Variants in PKNOX2 observed in about 807,000 individuals in gnomAD.
The protein encoded by PKNOX2 is PBX/knotted 1 homeobox 2.
In PKNOX2, 14 loss-of-function variants were observed where a neutral mutation model predicts 53.1. The ratio of observed to expected loss-of-function variants is 0.26; its 90% CI spans 0.17 to 0.41. PKNOX2 has a LOEUF of 0.41. Ranked by LOEUF, PKNOX2 falls within the 10% of genes least tolerant of loss-of-function variation. The pLI is 1.00. For synonymous variants in PKNOX2, 257 were observed against 242.8 expected (o/e 1.06, Z -0.54); for missense variants, 496 against 602.8 (o/e 0.82, Z 1.85).
Position 125,165,486 on chromosome 11 carries a change from G to A in PKNOX2, c.-201+710G>A, listed in dbSNP as rs543644307. On this transcript the variant is annotated intron_variant, in intron 1 of 12. Transcript: ENST00000298282. This position sits in a 1 kb window ranked among gnomAD's most constrained non-coding sequence, Gnocchi z 4.5. ...CTGGAGATGCTTTCCAGCGGCTGGAGGCGGGAGCGGTCCCAGGCTGGGGCC... is the reference window on the plus strand; with the variant it reads ...CTGGAGATGCTTTCCAGCGGCTGGAAGCGGGAGCGGTCCCAGGCTGGGGCC... Among the ~76,000 whole-genome samples, 34 of 152,302 alleles carry A rather than the reference G, an allele frequency of 2.2e-4. No individual in the cohort carries two copies. The highest frequency in any genetic ancestry group is 7.9e-4 in the African/African-American group (33 of 41,580).
chr11:125,406,731 C>T (rs917018010), intron 7 of PKNOX2, among the ~76,000 whole-genome samples: 1 of 152,004 alleles, frequency 6.6e-6, no homozygotes, highest in African/African-American at 2.4e-5. Context: ...AATCTCTCTT[C>T]AGGCAAATAG....
chr11:125,326,278 G>C (rs1949815341), intron 2 of PKNOX2, among the ~76,000 whole-genome samples: 1 of 152,214 alleles, frequency 6.6e-6, no homozygotes, highest in African/African-American at 2.4e-5. Context: ...CAGGACTTGA[G>C]CTGGTCTTTG....
At position 125,165,953 on chromosome 11, in the gene PKNOX2, C is replaced by T. The variant is rs1199170918; in HGVS notation, c.-201+1177C>T. Among the ~76,000 whole-genome samples the T allele has an allele frequency of 1.3e-5, 2 of 152,090 alleles. No homozygotes were observed. Among genetic ancestry groups the T allele is most frequent in the Admixed American group, 6.5e-5 (1 of 15,274 alleles). On this transcript the variant is annotated intron_variant, in intron 1 of 12. Transcript: ENST00000298282. This position sits in a 1 kb window ranked among gnomAD's most constrained non-coding sequence, Gnocchi z 4.5. ...ACGAGCGAAATGGGCCGTCCTTTCCCGGGGCTCTTCACGGGGGAGCCGGGG... is the reference window on the plus strand; with the variant it reads ...ACGAGCGAAATGGGCCGTCCTTTCCTGGGGCTCTTCACGGGGGAGCCGGGG...
intron 1 of PKNOX2, among the ~76,000 whole-genome samples, chr11:125,231,515 C>G (rs1442089291): frequency 2.6e-5 from 4 of 152,222 alleles, no homozygotes; most frequent in South Asian, 4.1e-4. Context: ...TGGCTGAAAG[C>G]CTTTGCCATG....
intron 10 of PKNOX2, among the ~76,000 whole-genome samples, chr11:125,412,292 T>G (rs979338709): frequency 6.6e-6 from 1 of 152,168 alleles, no homozygotes; most frequent in Admixed American, 6.5e-5. Context: ...CCAGGACTCC[T>G]GAGTCCTCCC....
intron 2 of PKNOX2, among the ~76,000 whole-genome samples, chr11:125,251,989 T>C (rs1470048485): frequency 2.0e-5 from 3 of 152,286 alleles, no homozygotes; most frequent in East Asian, 1.9e-4. Context: ...GTTAGAGATA[T>C]GCCTTTTGGA....
intron 2 of PKNOX2, among the ~76,000 whole-genome samples, chr11:125,255,868 C>G (rs1246531485): frequency 6.6e-6 from 1 of 151,788 alleles, no homozygotes; most frequent in African/African-American, 2.4e-5. Context: ...GAGATGGTCT[C>G]TACCCTTCCC....
rs543780796 is a variant in PKNOX2 at position 125,307,719 on chromosome 11, C to T, written c.-129-24100C>T. 9.2e-5 allele frequency among the ~76,000 whole-genome samples: 14 copies of T among 152,360 alleles called. 1 individual carries two copies. In the South Asian group the frequency reaches 2.9e-3, roughly 32 times the overall value. ...AAAGAGGCCTAGAGACGTTGGTGAA[C>T]AGGCCAGGACTAGAATTCTGGGCCA... is the stretch of plus-strand genomic sequence containing the variant. On this transcript the variant is annotated intron_variant, in intron 2 of 12. Transcript: ENST00000298282.
chr11:125,337,270 T>C (rs1209252328), intron 3 of PKNOX2, among the ~76,000 whole-genome samples: 1 of 152,196 alleles, frequency 6.6e-6, no homozygotes, highest in Non-Finnish European at 1.5e-5. Context: ...AGCCCTGTGG[T>C]GTCATGACTG....
At chr11:125,260,591 G>A (rs1322265423) in intron 2 of PKNOX2, among the ~76,000 whole-genome samples, 2 of 152,192 alleles carry the variant, frequency 1.3e-5, no homozygotes, top group Non-Finnish European at 2.9e-5. Flanking sequence ...GTAAAGACGA[G>A]TTCTGTTGCC....
At chr11:125,189,774 T>C (rs958673413) in intron 1 of PKNOX2, among the ~76,000 whole-genome samples, 2 of 151,736 alleles carry the variant, frequency 1.3e-5, no homozygotes, top group African/African-American at 4.8e-5. Context: ...TCCAAAATTT[T>C]TTCGGTCTTC....
At chr11:125,224,620 T>A (rs1356679524) in intron 1 of PKNOX2, among the ~76,000 whole-genome samples, 7 of 152,188 alleles carry the variant, frequency 4.6e-5, no homozygotes, top group Admixed American at 2.6e-4. Flanking sequence ...GGAGCCAAAT[T>A]AGTGGCTAAG....
rs534051073 is a variant in PKNOX2 at position 125,370,951 on chromosome 11, G to A, written c.227+2966G>A. On this transcript the variant is annotated intron_variant, in intron 5 of 12. Transcript: ENST00000298282. This position sits in a 1 kb window ranked among gnomAD's most constrained non-coding sequence, Gnocchi z 4.1. ...AGAACCACAGATGAAGGAAGGGTGG[G>A]TGTGGCCCCTCCCTGCCTAGGACAC... Among the ~76,000 whole-genome samples the A allele has an allele frequency of 6.6e-5, 10 of 152,342 alleles. No individual in the cohort carries two copies. The highest frequency in any genetic ancestry group is 1.3e-4 in the Admixed American group (2 of 15,308).
intron 3 of PKNOX2, among the ~76,000 whole-genome samples, chr11:125,341,746 C>G (rs570237374): frequency 6.6e-6 from 1 of 152,378 alleles, no homozygotes; most frequent in South Asian, 2.1e-4. Flanking sequence ...TGGTAGCGGA[C>G]AAGAAACACA....
chr11:125,235,596 C>A (rs1942609887), intron 2 of PKNOX2, among the ~76,000 whole-genome samples: 1 of 152,234 alleles, frequency 6.6e-6, no homozygotes, highest in Admixed American at 6.5e-5. Flanking sequence ...TTCCATCAGC[C>A]CAGTAATAGC....
chr11:125,343,593 T>C (rs1363462843), intron 3 of PKNOX2, among the ~76,000 whole-genome samples: 1 of 152,198 alleles, frequency 6.6e-6, no homozygotes, highest in Non-Finnish European at 1.5e-5. Flanking sequence ...AAAGGAATTA[T>C]TGTTAAGCTC....
At chr11:125,377,451 C>A (rs999754965) in intron 5 of PKNOX2, among the ~76,000 whole-genome samples, 2 of 152,146 alleles carry the variant, frequency 1.3e-5, no homozygotes, top group East Asian at 3.9e-4. Context: ...TGAAGAGACA[C>A]AGGAGCAGGG....
At chr11:125,344,954 G>A (rs1950893706) in intron 3 of PKNOX2, among the ~76,000 whole-genome samples, 1 of 152,094 alleles carries the variant, frequency 6.6e-6, no homozygotes, top group Non-Finnish European at 1.5e-5. Context: ...CCCTCCTTCA[G>A]TAACATAGAT....
At chr11:125,329,415 A>G (rs943957366) in intron 2 of PKNOX2, among the ~76,000 whole-genome samples, 1 of 152,276 alleles carries the variant, frequency 6.6e-6, no homozygotes, top group African/African-American at 2.4e-5. Context: ...ATATTAAAAT[A>G]CCTACTTTTA....
Sources: allele counts gnomAD v4.1 joint callset (sites outside exome capture counted in the v4.1 genomes callset), GRCh38; gene constraint gnomAD v4.1.1; non-coding constraint Gnocchi (gnomAD v3.1); transcripts MANE v1.5; gene names NCBI Gene and HGNC (gene_info 2026-07-23, HGNC 2026-07-21).